The following SPG21 variants were observed in gnomAD, a reference collection of about 807,000 sequenced individuals.
The protein encoded by SPG21 is maspardin.
SPG21 carries 26 observed loss-of-function variants against 38.9 expected under a neutral mutation model. That is an observed-to-expected ratio of 0.67 (90% CI 0.49 to 0.93). The LOEUF (loss-of-function observed/expected upper bound fraction) is 0.93. SPG21 is among the 40% of genes least tolerant of loss of function. The pLI, the probability that SPG21 is intolerant of heterozygous loss-of-function variation, is 0.00. For synonymous variants in SPG21, 136 were observed against 128.9 expected (o/e 1.05, Z -0.37); for missense variants, 333 against 376.5 (o/e 0.88, Z 0.96).
chr15:64,977,129 G>A (rs1220384692), intron 3 of SPG21, among the ~76,000 whole-genome samples: 3 of 152,102 alleles, frequency 2.0e-5, no homozygotes, highest in Non-Finnish European at 4.4e-5. Flanking sequence ...GCAGCGGCGC[G>A]ATCTCGACTC....
chr15:64,986,790 A>G (rs1322291411), intron 1 of SPG21, among the ~76,000 whole-genome samples: 2 of 152,232 alleles, frequency 1.3e-5, no homozygotes, highest in Non-Finnish European at 2.9e-5. Context: ...ATAACTTTTA[A>G]TTGAAAGCAA....
At chr15:64,980,288 C>T (rs148385159) in intron 3 of SPG21, among the ~76,000 whole-genome samples, 5 of 152,196 alleles carry the variant, frequency 3.3e-5, no homozygotes, top group East Asian at 1.9e-4. Context: ...GAGAGAAGGG[C>T]GTCAGGAGAG....
intron 5 of SPG21, among the ~76,000 whole-genome samples, chr15:64,971,407 C>T (rs12916383): frequency 0.5 from 75,473 of 151,596 alleles, 19,710 homozygotes; most frequent in East Asian, 0.85. Flanking sequence ...GGCTTGGTGG[C>T]GGGCGCCTGT....
At chr15:64,972,580 CCCAGCACTT>C (rs2085688904) in intron 5 of SPG21, among the ~76,000 whole-genome samples, 1 of 152,222 alleles carries the variant, frequency 6.6e-6, no homozygotes, top group South Asian at 2.1e-4. Context: ...TGCCTGTAAT[CCCAGCACTT>C]TGGGAGGCTG....
At chr15:64,970,028 TTG>T in intron 6 of SPG21, 84 bp downstream of exon 6, 1 of 1,102,510 alleles carries the variant, frequency 9.1e-7, no homozygotes, top group Non-Finnish European at 1.4e-6. Context: ...TTACACATAC[TTG>T]TGAGACAGAT....
chr15:64,966,985 A>AT (rs111640564), intron 7 of SPG21, among the ~76,000 whole-genome samples: 27 of 151,772 alleles, frequency 1.8e-4, no homozygotes, highest in Middle Eastern at 3.4e-3. Flanking sequence ...TAATCATATG[A>AT]TTTTTTTTTA....
chr15:64,980,534 C>T (rs528351489), intron 3 of SPG21, among the ~76,000 whole-genome samples: 3 of 151,972 alleles, frequency 2.0e-5, no homozygotes, highest in Non-Finnish European at 2.9e-5. Flanking sequence ...GTCAGGAGTT[C>T]GAGACCAGCC....
chr15:64,979,847 A>G (rs1344358851), intron 3 of SPG21, among the ~76,000 whole-genome samples: 1 of 71,706 alleles, frequency 1.4e-5, no homozygotes, highest in Non-Finnish European at 4.0e-5. Flanking sequence ...GAAGCATGCA[A>G]AAAAAAAAAA....
chr15:64,963,699 G>C lies in SPG21; in HGVS notation c.848C>G (p.Ala283Gly). 1 of 1,614,144 alleles carries C rather than the reference G, an allele frequency of 6.2e-7. No individual in the cohort carries two copies. The highest frequency in any genetic ancestry group is 1.1e-5 in the South Asian group (1 of 91,076). The change falls in exon 9 of 9, where the codon GCC becomes GGC. Residue 283 changes from alanine (A) to glycine (G), a missense_variant. Coordinates refer to ENST00000204566, the MANE Select transcript of SPG21 (RefSeq NM_016630.7). The stretch of plus-strand genomic sequence containing the variant: ...GGCACTGACCATTGATGGGTCAATG[G>C]CCGCGTATTTGGTTCCATGGAATTG... ...LLQFHGTKYA[A>G]IDPSMVSAEE... is the part of the protein sequence containing the mutation.
intron 5 of SPG21, among the ~76,000 whole-genome samples, chr15:64,972,349 G>A (rs954096113): frequency 5.3e-5 from 8 of 152,222 alleles, no homozygotes; most frequent in African/African-American, 1.9e-4. Context: ...ACAATAAGCA[G>A]CTGATGTGCC....
intron 1 of SPG21, chr15:64,989,278 GA>G (rs925663884): frequency 1.5e-4 from 22 of 148,424 alleles, no homozygotes; most frequent in East Asian, 7.9e-4. Context: ...AGTTTGCTGA[GA>G]AAAAAAAAAA....
chr15:64,973,748 C>G (rs1387523030), intron 5 of SPG21, among the ~76,000 whole-genome samples: 1 of 152,138 alleles, frequency 6.6e-6, no homozygotes, highest in Non-Finnish European at 1.5e-5. Flanking sequence ...CGCACCCAGC[C>G]TCATTTCCAC....
chr15:64,980,857 T>C lies in SPG21; in HGVS notation c.225+7A>G. The C allele has an allele frequency of 6.2e-7, 1 of 1,610,216 alleles. No homozygotes were observed. The highest frequency in any genetic ancestry group is 1.1e-5 in the South Asian group (1 of 90,984). On this transcript the variant is annotated splice_region_variant and intron_variant, in intron 3 of 8. Transcript: ENST00000204566. The stretch of plus-strand genomic sequence containing the variant: ...CGTGGGTCTGAATTTTAATCAGTAA[T>C]ACTTACAGCGATAACCCGGTAACCC...
chr15:64,969,490 G>A (rs2085616145), intron 6 of SPG21, 128 bp from the exon 7 acceptor site: 2 of 717,618 alleles, frequency 2.8e-6, no homozygotes, highest in Non-Finnish European at 2.5e-6. Context: ...AGTCATCAGT[G>A]AGGAACCACA....
intron 2 of SPG21, 195 bp from the exon 3 acceptor site, chr15:64,981,220 A>C (rs1331073190): frequency 3.2e-6 from 2 of 622,364 alleles, no homozygotes; most frequent in African/African-American, 3.7e-5. Context: ...AACGTATTCC[A>C]CAGAACTACT....
Position 64,969,358 on chromosome 15 carries a change from T to C in SPG21, c.566A>G (p.Glu189Gly). Residue 189 changes from glutamate (E) to glycine (G), a missense_variant, in exon 7 of 9, where the codon GAA becomes GGA. By Grantham distance (98) the Glu-to-Gly change is moderately conservative (BLOSUM62 -2). Coordinates refer to ENST00000204566, the MANE Select transcript of SPG21 (RefSeq NM_016630.7). ...DAIDFMVDRLESLGQSELASR... is the reference protein window; with the variant it reads ...DAIDFMVDRLGSLGQSELASR... ...AGCCAGTTCACTCTGACCCAAACTT[T>C]CTAGCTGCAGGAAGAAACACAGGTA... is the stretch of plus-strand genomic sequence containing the variant. 1 of 1,609,820 alleles carries C rather than the reference T, an allele frequency of 6.2e-7. No homozygotes were observed. The highest frequency in any genetic ancestry group is 8.5e-7 in the Non-Finnish European group (1 of 1,176,154).
Position 64,965,315 on chromosome 15 carries a change from C to CT in SPG21, c.810+4dup. 6.2e-7 allele frequency: 1 copy of CT among 1,614,176 alleles called. No homozygotes were observed. Among genetic ancestry groups the CT allele is most frequent in the South Asian group, 1.1e-5 (1 of 91,088 alleles). Reference sequence around the variant, plus strand: ...GAGTGCTCTGGGTTTCAAGCTAGGCCTTACCTGTACATAAAGATTGACCTC... The same window carrying CT: ...GAGTGCTCTGGGTTTCAAGCTAGGCCTTTACCTGTACATAAAGATTGACCTC... On this transcript the variant is annotated splice_donor_region_variant and intron_variant, in intron 8 of 8. Coordinates refer to ENST00000204566, the MANE Select transcript of SPG21 (RefSeq NM_016630.7).
chr15:64,965,721 G>A (rs551609063), intron 7 of SPG21, among the ~76,000 whole-genome samples: 5 of 152,098 alleles, frequency 3.3e-5, no homozygotes, highest in Admixed American at 3.3e-4. Context: ...TCTTTTGGTG[G>A]GGGGAAATTC....
Position 64,974,524 on chromosome 15 carries a change from C to T in SPG21, c.452+78G>A. The T allele has an allele frequency of 2.6e-6, 4 of 1,537,672 alleles. No homozygotes were observed. In the South Asian group the frequency reaches 4.5e-5, roughly 17 times the overall value. On this transcript the variant is annotated intron_variant, in intron 5 of 8. Transcript: ENST00000204566. Reference sequence around the variant, plus strand: ...GAATATAGAAGTAGATATAAGTCTTCCCTTCCTAATGTACCAAACACTCAA... The same window carrying T: ...GAATATAGAAGTAGATATAAGTCTTTCCTTCCTAATGTACCAAACACTCAA...
Sources: gnomAD v4.1 joint callset for allele counts (sites outside exome capture counted in the v4.1 genomes callset) on GRCh38, gnomAD v4.1.1 for gene constraint, MANE v1.5 for transcripts, NCBI Gene and HGNC (gene_info 2026-07-23, HGNC 2026-07-21) for gene names.